Variants in NEAT1 observed in about 807,000 individuals in gnomAD.
The protein encoded by NEAT1 is nuclear paraspeckle assembly transcript 1.
chr11:65,424,765 C>G (rs965168995), exon 1 of NEAT1: 2 of 152,114 alleles, frequency 1.3e-5, no homozygotes, highest in Non-Finnish European at 2.9e-5. Flanking sequence ...GTGGGTACAC[C>G]GGTAGTGCTC....
exon 1 of NEAT1, chr11:65,424,934 G>A (rs1856545826): frequency 6.6e-6 from 1 of 152,092 alleles, no homozygotes; most frequent in African/African-American, 2.4e-5. Context: ...CAGTGTGGGG[G>A]ATGGGGGTAT....
exon 1 of NEAT1, chr11:65,427,482 A>T (rs1240675170): frequency 6.6e-6 from 1 of 151,988 alleles, no homozygotes; most frequent in Non-Finnish European, 1.5e-5. Context: ...ACTGTGTCTT[A>T]TTTGCCTGTG....
exon 1 of NEAT1, chr11:65,427,599 A>G (rs1441037594): frequency 6.6e-6 from 1 of 152,122 alleles, no homozygotes; most frequent in Admixed American, 6.5e-5. Flanking sequence ...GTCTGTGCTC[A>G]TGGCATCTCC....
At chr11:65,444,844 C>T (rs1298167515) in exon 1 of NEAT1, 4 of 241,510 alleles carry the variant, frequency 1.7e-5, no homozygotes, top group Non-Finnish European at 3.4e-5. Context: ...CCACAGCTGA[C>T]GGTGGCTGAC....
exon 1 of NEAT1, chr11:65,445,225 G>A (rs1263870664): frequency 6.6e-6 from 1 of 152,254 alleles, no homozygotes; most frequent in Non-Finnish European, 1.5e-5. Context: ...CTTCTCACCT[G>A]TGGGCCCCCT....
At chr11:65,425,277 G>A (rs573297705) in exon 1 of NEAT1, 6 of 152,262 alleles carry the variant, frequency 3.9e-5, no homozygotes, top group African/African-American at 1.2e-4. Context: ...CTGAAAACAG[G>A]TGACACAGAG....
chr11:65,437,525 T>G (rs774510087), exon 1 of NEAT1: 5 of 152,070 alleles, frequency 3.3e-5, no homozygotes, highest in African/African-American at 7.2e-5. Context: ...TAATCTGCAC[T>G]TCAAAATAGC....
exon 1 of NEAT1, chr11:65,430,961 A>G (rs995751474): frequency 5.3e-5 from 8 of 152,214 alleles, no homozygotes; most frequent in African/African-American, 1.9e-4. Context: ...AGTGTTAAGT[A>G]TGTCGCCATT....
chr11:65,429,413 C>G (rs580933), exon 1 of NEAT1: 134,741 of 152,204 alleles, frequency 0.89, 59,810 homozygotes, highest in Non-Finnish European at 0.9. Flanking sequence ...TGCTTTCCCT[C>G]TGGATGTGAG....
chr11:65,436,607 C>T (rs1293515738), exon 1 of NEAT1: 3 of 152,214 alleles, frequency 2.0e-5, no homozygotes, highest in African/African-American at 7.2e-5. Flanking sequence ...GCTGTACAGG[C>T]GTGGGTACAC....
exon 1 of NEAT1, chr11:65,429,045 A>G (rs1347127668): frequency 6.6e-6 from 1 of 152,268 alleles, no homozygotes; most frequent in Non-Finnish European, 1.5e-5. Flanking sequence ...TTTTTTAATG[A>G]TGACAGGATG....
exon 1 of NEAT1, chr11:65,442,930 C>T (rs1050624933): frequency 6.6e-6 from 1 of 152,312 alleles, no homozygotes; most frequent in South Asian, 2.1e-4. Context: ...TGGTTTCAGT[C>T]CTGATGTATA....
chr11:65,439,584 G>A (rs542575820), exon 1 of NEAT1: 114 of 152,082 alleles, frequency 7.5e-4, no homozygotes, highest in African/African-American at 2.7e-3. Flanking sequence ...TTCTCAGGAG[G>A]CTGAGGCACG....
chr11:65,437,944 G>A (rs1190430427), exon 1 of NEAT1: 1 of 152,160 alleles, frequency 6.6e-6, no homozygotes, highest in South Asian at 2.1e-4. Flanking sequence ...TACAAACCCA[G>A]CTTGCACCCA....
chr11:65,426,337 A>G (rs914391339), exon 1 of NEAT1: 2 of 152,198 alleles, frequency 1.3e-5, no homozygotes, highest in Non-Finnish European at 2.9e-5. Flanking sequence ...TTTAGAGTGT[A>G]TTAGTCACGC....
exon 1 of NEAT1, chr11:65,444,355 G>A (rs1856745684): frequency 2.2e-6 from 1 of 445,534 alleles, no homozygotes; most frequent in Non-Finnish European, 4.6e-6. Context: ...ATGGGGGGCT[G>A]ATTCTGCTCA....
At chr11:65,439,066 T>G (rs990650393) in exon 1 of NEAT1, 2 of 152,182 alleles carry the variant, frequency 1.3e-5, no homozygotes, top group Admixed American at 1.3e-4. Context: ...GACTTTCTGG[T>G]TATAATCATT....
chr11:65,437,392 A>G (rs1856671531), exon 1 of NEAT1: 1 of 151,798 alleles, frequency 6.6e-6, no homozygotes. Flanking sequence ...TCTAGACTTA[A>G]TTTTAGCATA....
Position 65,444,745 on chromosome 11 carries a change from C to T in NEAT1, n.21948C>T. On this transcript the variant is annotated non_coding_transcript_exon_variant, in exon 1 of 1. Coordinates refer to ENST00000501122, the Ensembl canonical transcript of NEAT1. ...TCCTGGGGCCCTGGTGACTTGGACT[C>T]CAGGTTAGAGTCAAGTGACAGGAGA... 6.4e-6 allele frequency: 2 copies of T among 313,536 alleles called. 1 individual carries two copies. Among genetic ancestry groups the T allele is most frequent in the South Asian group, 5.1e-5 (2 of 38,930 alleles). The allele number at this position is 313,536 out of a possible 1,614,324, so 19.4% of individuals were successfully genotyped here.
Sources: allele counts gnomAD v4.1 joint callset, GRCh38; gene constraint gnomAD v4.1.1; transcripts MANE v1.5; gene names NCBI Gene and HGNC (gene_info 2026-07-23, HGNC 2026-07-21).